ZNF589: variants seen among roughly 807,000 people sequenced by gnomAD.
ZNF589 encodes the protein KRAB-zinc finger protein SZF1-1.
ZNF589 carries 17 observed loss-of-function variants against 13.6 expected under a neutral mutation model. That is an observed-to-expected ratio of 1.25 (90% confidence interval 0.86 to 1.88). The LOEUF is 1.88. Ranked by LOEUF, ZNF589 falls within the 40% of genes most tolerant of loss-of-function variation. ZNF589 has a pLI of 0.00. For missense variants in ZNF589, 407 were observed against 434.0 expected (o/e 0.94, Z 0.55); for synonymous variants, 148 against 161.6 (o/e 0.92, Z 0.64).
intron 3 of ZNF589, 110 bp from the exon 4 acceptor site, chr3:48,267,805 G>C: frequency 8.7e-7 from 1 of 1,151,036 alleles, no homozygotes; most frequent in Non-Finnish European, 1.2e-6. Context: ...ACATCTTGGG[G>C]AGAAAGACTT....
At position 48,268,321 on chromosome 3, in the gene ZNF589, A is replaced by G. The variant is rs1384077417; in HGVS notation, c.630A>G (p.Pro210=). The change falls in exon 4 of 4, where the codon CCA becomes CCG. Residue 210 remains proline (P), a synonymous_variant. Coordinates refer to ENST00000354698, the MANE Select transcript of ZNF589 (RefSeq NM_016089.3). ...VDRISKRAET[P]GFGAVTFGEC... ...GAATTTCCAAGAGGGCAGAAACCCC[A>G]GGGTTTGGAGCAGTCACGTTTGGGG... 1.9e-6 allele frequency: 3 copies of G among 1,614,050 alleles called. No individual in the cohort carries two copies. The highest frequency in any genetic ancestry group is 2.5e-6 in the Non-Finnish European group (3 of 1,179,916).
At chr3:48,243,547 C>T (rs1027418692) in intron 1 of ZNF589, among the ~76,000 whole-genome samples, 3 of 152,034 alleles carry the variant, frequency 2.0e-5, no homozygotes, top group African/African-American at 4.8e-5. Context: ...CGCGGTGACT[C>T]ACGTTTGTAA....
At chr3:48,261,056 T>A (rs955808633) in intron 3 of ZNF589, 117 bp downstream of exon 3, 1 of 1,175,912 alleles carries the variant, frequency 8.5e-7, no homozygotes, top group African/African-American at 1.5e-5. Flanking sequence ...AATAAAGCAT[T>A]TCTTCTCTCG....
At chr3:48,246,457 T>C (rs1040983448) in intron 1 of ZNF589, among the ~76,000 whole-genome samples, 2 of 152,152 alleles carry the variant, frequency 1.3e-5, no homozygotes, top group African/African-American at 2.4e-5. Context: ...CATTGACAAG[T>C]TTTTAAAACA....
In ZNF589 at chr3:48,243,152, A is replaced by G. The variant is rs977318172; in HGVS notation, c.43+1938A>G. Among the ~76,000 whole-genome samples the G allele has an allele frequency of 2.0e-5, 3 of 150,228 alleles. No individual in the cohort carries two copies. The East Asian group carries it at 6.0e-4, about 30-fold the overall frequency. ...TTTCTGATTTTTTTTTCAGCCAATTAAAAATGTAAAAACTGGCCCAGCATG... is the reference window on the plus strand; with the variant it reads ...TTTCTGATTTTTTTTTCAGCCAATTGAAAATGTAAAAACTGGCCCAGCATG... On this transcript the variant is annotated intron_variant, in intron 1 of 3. Transcript: ENST00000354698.
intron 2 of ZNF589, among the ~76,000 whole-genome samples, chr3:48,252,960 C>T (rs932009274): frequency 6.6e-6 from 1 of 152,066 alleles, no homozygotes; most frequent in Non-Finnish European, 1.5e-5. Flanking sequence ...GGTCCATCAG[C>T]GCAGTATCTC....
intron 2 of ZNF589, among the ~76,000 whole-genome samples, chr3:48,260,025 G>C (rs141837228): frequency 6.6e-6 from 1 of 152,232 alleles, no homozygotes; most frequent in African/African-American, 2.4e-5. Context: ...AGTAGAAGTT[G>C]ATTGGTGACT....
Position 48,268,996 on chromosome 3 carries a change from G to T in ZNF589, c.*210G>T. ...AGAAGTCGTCGCTCAAATCACATCG[G>T]AGAACACACTCAGGGGAGAAGCCTT... On this transcript the variant is annotated 3_prime_UTR_variant, in exon 4 of 4. Transcript: ENST00000354698. 2.6e-6 allele frequency: 2 copies of T among 764,034 alleles called. No homozygotes were observed. The highest frequency in any genetic ancestry group is 2.1e-6 in the Non-Finnish European group (1 of 466,344). The allele number at this position is 764,034 out of a possible 1,614,324, so 47.3% of individuals were successfully genotyped here. A position where few individuals can be genotyped will look rare whatever the true frequency, so the allele number is the denominator to read the frequency against.
intron 2 of ZNF589, chr3:48,256,894 C>T (rs78786790): frequency 1.1e-5 from 9 of 839,660 alleles, no homozygotes; most frequent in East Asian, 2.9e-5. Flanking sequence ...GGAGCCCACA[C>T]GGAAGCTGCC....
At position 48,268,695 on chromosome 3, in the gene ZNF589, C is replaced by G; in HGVS notation, c.1004C>G (p.Thr335Arg). The part of the protein sequence containing the change: ...THTREKSFMC[T>R]VCGRGFREKS... ...ACAAGGGAGAAATCGTTTATGTGCA[C>G]AGTGTGTGGGCGAGGCTTTCGTGAA... Residue 335 changes from threonine to arginine, a missense_variant, in exon 4 of 4, where the codon ACA becomes AGA. Transcript: ENST00000354698. 6.2e-7 allele frequency: 1 copy of G among 1,610,842 alleles called. No homozygotes were observed. Among genetic ancestry groups the G allele is most frequent in the Non-Finnish European group, 8.5e-7 (1 of 1,179,052 alleles).
chr3:48,251,651 G>A (rs1157349543), intron 2 of ZNF589, among the ~76,000 whole-genome samples: 1 of 151,920 alleles, frequency 6.6e-6, no homozygotes, highest in Admixed American at 6.6e-5. Flanking sequence ...AGGGATTGGC[G>A]TTCTTTATTT....
Position 48,270,407 on chromosome 3 carries a change from A to G in ZNF589, c.*1621A>G. On this transcript the variant is annotated 3_prime_UTR_variant, in exon 4 of 4. Transcript: ENST00000354698. ...TACCAGGTTTAAGGGTATTTTAAACACAGCTCCTCTTAAATCCTCCAATCT... is the reference window on the plus strand; with the variant it reads ...TACCAGGTTTAAGGGTATTTTAAACGCAGCTCCTCTTAAATCCTCCAATCT... 2.8e-6 allele frequency: 1 copy of G among 362,608 alleles called. No homozygotes were observed. Among genetic ancestry groups the G allele is most frequent in the Non-Finnish European group, 5.4e-6 (1 of 185,324 alleles). 22.5% of individuals were successfully genotyped at this position (362,608 alleles called of 1,614,324 possible).
At chr3:48,251,421 G>A (rs994492851) in intron 2 of ZNF589, among the ~76,000 whole-genome samples, 1 of 149,508 alleles carries the variant, frequency 6.7e-6, no homozygotes, top group African/African-American at 2.5e-5. Context: ...TTAGCTGGGC[G>A]TGGCGATGCG....
At chr3:48,253,143 T>C (rs2033857846) in intron 2 of ZNF589, among the ~76,000 whole-genome samples, 1 of 151,446 alleles carries the variant, frequency 6.6e-6, no homozygotes, top group Non-Finnish European at 1.5e-5. Context: ...AGTGATTCTC[T>C]TGCCTCAGCC....
At position 48,269,264 on chromosome 3, in the gene ZNF589, GA is replaced by G; in HGVS notation, c.*482del. On this transcript the variant is annotated 3_prime_UTR_variant, in exon 4 of 4. Coordinates refer to ENST00000354698, the MANE Select transcript of ZNF589 (RefSeq NM_016089.3). ...CAGACACCAGAGGACACACACAGGA[GA>G]AAAGCCTTATGTCTGCGGAGAGTGT... The G allele has an allele frequency of 6.4e-7, 1 of 1,556,344 alleles. No homozygotes were observed.
intron 2 of ZNF589, among the ~76,000 whole-genome samples, chr3:48,255,487 CTTTTTTTTT>C (rs1230659894): frequency 1.1e-4 from 9 of 82,788 alleles, no homozygotes; most frequent in African/African-American, 4.1e-4. Flanking sequence ...AGAGTTTTTA[CTTTTTTTTT>C]TTTTTTTTTT....
intron 2 of ZNF589, 81 bp downstream of exon 2, chr3:48,247,758 G>C: frequency 6.6e-7 from 1 of 1,507,784 alleles, no homozygotes; most frequent in South Asian, 1.2e-5. Context: ...TCTTGGGAAG[G>C]GAGGAAGTGA....
intron 2 of ZNF589, among the ~76,000 whole-genome samples, chr3:48,260,597 C>T (rs1044970412): frequency 6.6e-6 from 1 of 152,126 alleles, no homozygotes; most frequent in Admixed American, 6.6e-5. Flanking sequence ...TTAGTGGAGA[C>T]AGCGTTTCAC....
intron 2 of ZNF589, among the ~76,000 whole-genome samples, chr3:48,253,460 A>C: frequency 6.7e-6 from 1 of 149,320 alleles, no homozygotes; most frequent in South Asian, 2.1e-4. Flanking sequence ...TGTTACACTT[A>C]GTTGTCACGT....
Sources: allele counts gnomAD v4.1 joint callset (sites outside exome capture counted in the v4.1 genomes callset), GRCh38; gene constraint gnomAD v4.1.1; transcripts MANE v1.5; gene names NCBI Gene and HGNC (gene_info 2026-07-23, HGNC 2026-07-21).